The following SIGIRR variants were observed in gnomAD, a reference collection of about 807,000 sequenced individuals.
The protein encoded by SIGIRR is single Ig IL-1-related receptor.
Under a neutral mutation model 45.6 loss-of-function variants are expected in SIGIRR, and 41 were observed. The ratio of observed to expected loss-of-function variants is 0.90; its 90% CI spans 0.70 to 1.17. The LOEUF (loss-of-function observed/expected upper bound fraction) is 1.17, where lower values mean the gene tolerates loss of function less well. Ranked by LOEUF, SIGIRR falls within the 50% of genes most tolerant of loss-of-function variation. SIGIRR has a pLI of 0.00. For missense variants in SIGIRR, 599 were observed against 539.6 expected, an observed-to-expected ratio of 1.11 and a Z score of -1.09; for synonymous variants, 298 against 239.0, an observed-to-expected ratio of 1.25 and a Z score of -2.28.
intron 8 of SIGIRR, 104 bp from the exon 9 acceptor site, chr11:406,642 T>C: frequency 6.9e-7 from 1 of 1,446,792 alleles, no homozygotes; most frequent in South Asian, 1.4e-5. Context: ...TTCCACGCCC[T>C]GCGACAGCTA....
chr11:415,964 G>T (rs1385011503), upstream of SIGIRR, among the ~76,000 whole-genome samples: 4 of 152,040 alleles, frequency 2.6e-5, no homozygotes, highest in Non-Finnish European at 5.9e-5. The surrounding 1 kb of genome is among the most constrained non-coding windows in gnomAD (Gnocchi z 6.6). Flanking sequence ...CACCCTCTCA[G>T]CAGCAGGCTT....
At chr11:406,300 G>A (rs758862639) in intron 9 of SIGIRR, 49 bp downstream of exon 9, 22 of 1,593,172 alleles carry the variant, frequency 1.4e-5, no homozygotes, top group East Asian at 4.6e-5. Context: ...CCCCCACTCC[G>A]CCCTGTGCTG....
upstream of SIGIRR, among the ~76,000 whole-genome samples, chr11:416,210 G>T (rs1263166288): frequency 6.6e-6 from 1 of 152,124 alleles, no homozygotes; most frequent in African/African-American, 2.4e-5. This position sits in a 1 kb window ranked among gnomAD's most constrained non-coding sequence, Gnocchi z 9.1. Flanking sequence ...ACCCCCGCAG[G>T]AAGCAGGAGC....
chr11:408,916 G>A (rs201884432), intron 2 of SIGIRR, 23 bp from the exon 3 acceptor site: 2 of 1,610,424 alleles, frequency 1.2e-6, no homozygotes, highest in Non-Finnish European at 1.7e-6. Context: ...GACACAGTGG[G>A]TCAGCTGTGC....
chr11:410,618 T>G (rs1386752118), intron 1 of SIGIRR, among the ~76,000 whole-genome samples: 1 of 8,670 alleles, frequency 1.2e-4, no homozygotes, highest in East Asian at 0.01. Flanking sequence ...CTGGATGCAG[T>G]CGGGGGGGGG....
chr11:415,207 C>CGTGTGTGT (rs71022908), upstream of SIGIRR, among the ~76,000 whole-genome samples: 297 of 144,558 alleles, frequency 2.1e-3, 1 homozygote, highest in Admixed American at 5.4e-3. The surrounding 1 kb of genome is among the most constrained non-coding windows in gnomAD (Gnocchi z 6.6). Flanking sequence ...CTCTGTGCAG[C>CGTGTGTGT]GTGTGTGTGT....
intron 8 of SIGIRR, 42 bp downstream of exon 8, chr11:406,800 TA>T: frequency 6.8e-7 from 1 of 1,474,620 alleles, no homozygotes; most frequent in Non-Finnish European, 9.0e-7. Context: ...CGCCCATCTC[TA>T]ACCCGCCGCT....
upstream of SIGIRR, among the ~76,000 whole-genome samples, chr11:416,691 G>A (rs1590398823): frequency 6.6e-6 from 1 of 151,968 alleles, no homozygotes; most frequent in East Asian, 1.9e-4. The surrounding 1 kb of genome is among the most constrained non-coding windows in gnomAD (Gnocchi z 9.1). Context: ...GGCCCCCAGC[G>A]CCTGTCCTGA....
rs1220507319 is a variant in SIGIRR at position 406,023 on chromosome 11, G to A, written c.1106C>T (p.Pro369Leu). The A allele has an allele frequency of 1.9e-6, 3 of 1,605,194 alleles. No individual in the cohort carries two copies. Among genetic ancestry groups the A allele is most frequent in the Non-Finnish European group, 2.5e-6 (3 of 1,176,686 alleles). Residue 369 changes from proline (P) to leucine (L), a missense_variant, in exon 10 of 10, where the codon CCA (proline) becomes CTA (leucine). Transcript: ENST00000431843. ...CAGCGAGACCCCACTGGTGTGCGGT[G>A]GAGCTGATGGCTCTCCAAAGACAGG... ...RGPVFGEPSA[P>L]PHTSGVSLGE...
At chr11:406,126 G>A in intron 9 of SIGIRR, 67 bp from the exon 10 acceptor site, 1 of 1,540,084 alleles carries the variant, frequency 6.5e-7, no homozygotes, top group Admixed American at 2.0e-5. Flanking sequence ...CACTGCCAGG[G>A]GCTGCCCCTG....
At chr11:414,169 A>C (rs1168385428) in intron 1 of SIGIRR, among the ~76,000 whole-genome samples, 2 of 13,446 alleles carry the variant, frequency 1.5e-4, no homozygotes, top group Non-Finnish European at 2.6e-4. Flanking sequence ...CTTTCCCTGC[A>C]CCCTCTCCCC....
intron 1 of SIGIRR, among the ~76,000 whole-genome samples, chr11:412,936 C>T (rs991673977): frequency 1.3e-5 from 2 of 152,184 alleles, no homozygotes; most frequent in African/African-American, 4.8e-5. Flanking sequence ...CCACACACAC[C>T]TCAAGTCTCC....
Position 406,979 on chromosome 11 carries a change from C to A in SIGIRR, c.743G>T (p.Arg248Leu), listed in dbSNP as rs1449818410. The A allele has an allele frequency of 6.2e-7, 1 of 1,600,134 alleles. No homozygotes were observed. The highest frequency in any genetic ancestry group is 1.7e-5 in the Admixed American group (1 of 59,536). ...CSHSFREGLC[R>L]LLELTRRPIF... ...GGGTCTGCGGGTGAGCTCCAGCAGC[C>A]GGCACAGGCCCTCCCTGCGGGGCGG... The change falls in exon 8 of 10, where the codon CGG becomes CTG. Residue 248 changes from arginine (R) to leucine (L), a missense_variant. Arg to Leu is a moderately radical substitution (Grantham distance 102, BLOSUM62 -2). Coordinates refer to ENST00000431843, the MANE Select transcript of SIGIRR (RefSeq NM_001135054.2).
upstream of SIGIRR, among the ~76,000 whole-genome samples, chr11:415,239 T>TGCA (rs1564896882): frequency 1.6e-5 from 1 of 63,974 alleles, no homozygotes; most frequent in African/African-American, 5.8e-5. The surrounding 1 kb of genome is among the most constrained non-coding windows in gnomAD (Gnocchi z 6.6). Flanking sequence ...TGTGTGTGTG[T>TGCA]GTGTGTGTGT....
At position 406,520 on chromosome 11, in the gene SIGIRR, A is replaced by G. The variant is rs760552436; in HGVS notation, c.898T>C (p.Trp300Arg). 2 of 1,609,294 alleles carry G rather than the reference A, an allele frequency of 1.2e-6. No individual in the cohort carries two copies. The highest frequency in any genetic ancestry group is 1.7e-6 in the Non-Finnish European group (2 of 1,177,264). ...PGSVTPSSDF[W>R]KEVQLALPRK... is the part of the protein sequence containing the mutation. ...GGCAGCGCCAGCTGCACTTCTTTCC[A>G]AAAATCGGAGGAAGGAGTCTGGGGG... Residue 300 changes from tryptophan to arginine, a missense_variant, in exon 9 of 10, where the codon TGG (tryptophan) becomes CGG (arginine). Transcript: ENST00000431843.
Position 414,905 on chromosome 11 carries a change from C to T in SIGIRR, c.-236G>A. The T allele has an allele frequency of 4.1e-6, 4 of 985,102 alleles. No homozygotes were observed. Among genetic ancestry groups the T allele is most frequent in the East Asian group, 1.1e-4 (1 of 8,818 alleles). 61.0% of individuals were successfully genotyped at this position (985,102 alleles called of 1,614,324 possible). A position where few individuals can be genotyped will look rare whatever the true frequency, so the allele number is the denominator to read the frequency against. ...GCAAACTCTCCCCTTCGCTGGGCCC[C>T]AGGGAGTGTCCACAGCACCAAGGCT... On this transcript the variant is annotated 5_prime_UTR_variant, in exon 1 of 10. Coordinates refer to ENST00000431843, the MANE Select transcript of SIGIRR (RefSeq NM_001135054.2).
chr11:407,643 C>T lies in SIGIRR; in HGVS notation c.482-75G>A, dbSNP rs1847406403. On this transcript the variant is annotated intron_variant, in intron 5 of 9. Transcript: ENST00000431843. ...CCCTCGGGGTCCCCAACACCCCTAA[C>T]CATCTCCCACGTGCACAGGGGCAGA... 9 of 1,570,952 alleles carry T rather than the reference C, an allele frequency of 5.7e-6. No individual in the cohort carries two copies. The South Asian group carries it at 5.7e-5, about 10-fold the overall frequency.
chr11:410,563 G>A (rs556282054), intron 1 of SIGIRR, among the ~76,000 whole-genome samples: 31 of 129,516 alleles, frequency 2.4e-4, no homozygotes, highest in Non-Finnish European at 2.9e-4. Flanking sequence ...CTCTGACCAT[G>A]TCTGGATACA....
At chr11:414,740 G>T in intron 1 of SIGIRR, 83 bp downstream of exon 1, 2 of 880,200 alleles carry the variant, frequency 2.3e-6, no homozygotes, top group Non-Finnish European at 2.7e-6. Flanking sequence ...GCACACACAT[G>T]CATATGGGTC....
Sources: allele counts gnomAD v4.1 joint callset (sites outside exome capture counted in the v4.1 genomes callset), GRCh38; gene constraint gnomAD v4.1.1; non-coding constraint Gnocchi (gnomAD v3.1); transcripts MANE v1.5; gene names NCBI Gene and HGNC (gene_info 2026-07-23, HGNC 2026-07-21).